TNNI3K: variants seen among roughly 807,000 people sequenced by gnomAD.
The protein encoded by TNNI3K is serine/threonine-protein kinase TNNI3K.
In TNNI3K, 140 loss-of-function variants were observed where a neutral mutation model predicts 114.5. The observed-to-expected ratio is 1.22, with a 90% CI of 1.07 to 1.41. The LOEUF (loss-of-function observed/expected upper bound fraction) is 1.41. TNNI3K is among the 40% of genes most tolerant of loss of function. The pLI is 0.00. For synonymous variants in TNNI3K, 347 were observed against 347.5 expected (o/e 1.00, Z 0.02); for missense variants, 1,125 against 1,007.6 (o/e 1.12, Z -1.58).
intron 17 of TNNI3K, among the ~76,000 whole-genome samples, chr1:74,388,013 C>G (rs1199767278): frequency 6.6e-6 from 1 of 152,190 alleles, no homozygotes; most frequent in African/African-American, 2.4e-5. Context: ...GGCATGGCAG[C>G]TCACGCCTAT....
At chr1:74,504,510 C>G (rs533733522) in intron 23 of TNNI3K, among the ~76,000 whole-genome samples, 4 of 151,920 alleles carry the variant, frequency 2.6e-5, no homozygotes, top group Non-Finnish European at 5.9e-5. Flanking sequence ...AACAGCCTTT[C>G]GCCATGAAAA....
At chr1:74,485,375 A>G (rs1029650835) in intron 21 of TNNI3K, among the ~76,000 whole-genome samples, 5 of 152,192 alleles carry the variant, frequency 3.3e-5, no homozygotes, top group Non-Finnish European at 7.4e-5. Flanking sequence ...CTGGCCGGTT[A>G]GTCGGCCTCA....
intron 17 of TNNI3K, chr1:74,418,218 A>G (rs1344335999): frequency 2.0e-5 from 9 of 452,208 alleles, no homozygotes; most frequent in Non-Finnish European, 3.1e-5. Context: ...GCCATCTTTG[A>G]ACATGAGGCA....
At chr1:74,520,897 A>G (rs1023909116) in intron 23 of TNNI3K, among the ~76,000 whole-genome samples, 2 of 151,990 alleles carry the variant, frequency 1.3e-5, no homozygotes, top group African/African-American at 4.8e-5. Context: ...GATTGCTTGG[A>G]GCTTTAATTT....
intron 9 of TNNI3K, among the ~76,000 whole-genome samples, chr1:74,347,010 A>T (rs1306174074): frequency 6.7e-6 from 1 of 150,348 alleles, no homozygotes; most frequent in African/African-American, 2.5e-5. Context: ...TATTATTATT[A>T]TTTTTCTACT....
Position 74,237,663 on chromosome 1 carries a change from A to G in TNNI3K, c.149+1453A>G, listed in dbSNP as rs546014447. On this transcript the variant is annotated intron_variant, in intron 2 of 24. Transcript: ENST00000326637. Reference sequence around the variant, plus strand: ...ACTACAAGCTGTTTTGACAACTGCTATAATGGACTTTTCCTGTGTTTCTAC... The same window carrying G: ...ACTACAAGCTGTTTTGACAACTGCTGTAATGGACTTTTCCTGTGTTTCTAC... 3.3e-5 allele frequency among the ~76,000 whole-genome samples: 5 copies of G among 152,118 alleles called. No homozygotes were observed. In the East Asian group the frequency reaches 7.7e-4, roughly 24 times the overall value.
intron 17 of TNNI3K, among the ~76,000 whole-genome samples, chr1:74,429,414 G>C (rs186747117): frequency 6.6e-6 from 1 of 152,180 alleles, no homozygotes; most frequent in African/African-American, 2.4e-5. Flanking sequence ...GCACCTCAAG[G>C]GTCTAATCAG....
intron 17 of TNNI3K, among the ~76,000 whole-genome samples, chr1:74,398,133 A>G (rs184140159): frequency 6.6e-6 from 1 of 152,354 alleles, no homozygotes; most frequent in African/African-American, 2.4e-5. Context: ...GTGGGGATAA[A>G]GCTGCTAAGC....
intron 5 of TNNI3K, 100 bp downstream of exon 5, chr1:74,271,808 TG>T: frequency 9.3e-7 from 1 of 1,071,672 alleles, no homozygotes; most frequent in East Asian, 2.6e-5. Context: ...CTTTACAAGT[TG>T]GTTTATTTTT....
At chr1:74,495,988 GAGTTTAAC>G (rs1438782402) in intron 23 of TNNI3K, among the ~76,000 whole-genome samples, 2 of 152,186 alleles carry the variant, frequency 1.3e-5, no homozygotes, top group African/African-American at 4.8e-5. Context: ...GGAGGGCCAT[GAGTTTAAC>G]AGCTTGTGAG....
intron 21 of TNNI3K, among the ~76,000 whole-genome samples, chr1:74,474,591 G>T (rs1668099302): frequency 6.6e-6 from 1 of 152,114 alleles, no homozygotes; most frequent in African/African-American, 2.4e-5. Context: ...CCTCTTTACA[G>T]AGCAGCTGTC....
intron 23 of TNNI3K, among the ~76,000 whole-genome samples, chr1:74,523,354 T>G (rs1467621601): frequency 6.6e-6 from 1 of 152,264 alleles, no homozygotes; most frequent in Non-Finnish European, 1.5e-5. Flanking sequence ...TGTGTTTTTC[T>G]ATACACATAT....
intron 23 of TNNI3K, among the ~76,000 whole-genome samples, chr1:74,530,625 C>T (rs1031130455): frequency 4.6e-5 from 7 of 152,098 alleles, no homozygotes; most frequent in Middle Eastern, 3.2e-3. Context: ...TATTTCAATT[C>T]TCAAGGCCTC....
chr1:74,302,160 A>G (rs477920), intron 5 of TNNI3K, among the ~76,000 whole-genome samples: 23,620 of 152,200 alleles, frequency 0.16, 1,911 homozygotes, highest in South Asian at 0.24. Context: ...AACTTTGTCA[A>G]TATTATATCT....
chr1:74,333,513 A>G (rs1660319023), intron 6 of TNNI3K, among the ~76,000 whole-genome samples: 2 of 152,188 alleles, frequency 1.3e-5, no homozygotes, highest in Admixed American at 6.5e-5. Flanking sequence ...TTGGGTGGAG[A>G]ACTAAATTTG....
intron 23 of TNNI3K, among the ~76,000 whole-genome samples, chr1:74,497,069 T>C (rs1344333337): frequency 2.0e-5 from 3 of 152,192 alleles, no homozygotes; most frequent in African/African-American, 7.2e-5. Flanking sequence ...AAAGGTTTCT[T>C]TAAATAGCTT....
intron 5 of TNNI3K, among the ~76,000 whole-genome samples, chr1:74,291,384 T>C (rs373266241): frequency 2.7e-4 from 41 of 151,768 alleles, no homozygotes; most frequent in African/African-American, 9.9e-4. Context: ...ACAATTTTTT[T>C]ATGCATGTGG....
chr1:74,377,487 A>G (rs964306814), intron 17 of TNNI3K, among the ~76,000 whole-genome samples: 1 of 152,014 alleles, frequency 6.6e-6, no homozygotes, highest in African/African-American at 2.4e-5. Context: ...TAGCCAAAAC[A>G]GATACAAAAG....
intron 21 of TNNI3K, among the ~76,000 whole-genome samples, chr1:74,478,506 T>C (rs1668318931): frequency 6.6e-6 from 1 of 152,176 alleles, no homozygotes; most frequent in Non-Finnish European, 1.5e-5. Context: ...AAAATTGCTC[T>C]ATTATAATAT....
Sources: gnomAD v4.1 joint callset for allele counts (sites outside exome capture counted in the v4.1 genomes callset) on GRCh38, gnomAD v4.1.1 for gene constraint, MANE v1.5 for transcripts, NCBI Gene and HGNC (gene_info 2026-07-23, HGNC 2026-07-21) for gene names.